Variants in KIF9 observed in about 807,000 individuals in gnomAD.
KIF9 encodes the protein kinesin-like protein KIF9.
KIF9 carries 68 observed loss-of-function variants against 94.8 expected under a neutral mutation model. The ratio of observed to expected loss-of-function variants is 0.72; its 90% CI spans 0.59 to 0.88. The LOEUF (loss-of-function observed/expected upper bound fraction) is 0.88. Among genes scored for constraint, KIF9 ranks in the 40% least tolerant of loss-of-function variants. KIF9 has a pLI of 0.00. For missense variants in KIF9, 882 were observed against 982.5 expected (o/e 0.90, Z 1.37); for synonymous variants, 343 against 362.1 (o/e 0.95, Z 0.60).
chr3:47,273,674 A>G lies in KIF9; in HGVS notation c.260-16T>C. 6.2e-7 allele frequency: 1 copy of G among 1,605,746 alleles called. No homozygotes were observed. The highest frequency in any genetic ancestry group is 1.7e-5 in the Admixed American group (1 of 59,666). ...ATGATGGTGCCTGCAAACATTTCAA[A>G]ACACGGTGACATCCAGGAAAATAGC... On this transcript the variant is annotated splice_polypyrimidine_tract_variant and intron_variant, in intron 3 of 20. Coordinates refer to ENST00000684063, the MANE Select transcript of KIF9 (RefSeq NM_182902.4).
chr3:47,255,761 C>CCCACGGTCTCCCTCTCCCTCTCTTT (rs1457047874), intron 10 of KIF9, among the ~76,000 whole-genome samples: 1 of 151,638 alleles, frequency 6.6e-6, no homozygotes, highest in African/African-American at 2.4e-5. Flanking sequence ...TCTCCCTCTC[C>CCCACGGTCTCCCTCTCCCTCTCTTT]CCACGGTCTC....
intron 20 of KIF9, among the ~76,000 whole-genome samples, chr3:47,234,521 A>C (rs1488114349): frequency 2.7e-5 from 4 of 150,538 alleles, no homozygotes; most frequent in Non-Finnish European, 5.9e-5. Flanking sequence ...GGCGTGAGCC[A>C]CCGTGCCCAG....
rs530795565 is a variant in KIF9 at position 47,240,443 on chromosome 3, C to T, written c.1924+358G>A. Among the ~76,000 whole-genome samples, 5 of 152,298 alleles carry T rather than the reference C, an allele frequency of 3.3e-5. No individual in the cohort carries two copies. In the East Asian group the frequency reaches 9.6e-4, roughly 29 times the overall value. ...CACCTGGGGCAGTGAGGAAACCACACAGAGACCCACGGACCTTGTAGAGGT... is the reference window on the plus strand; with the variant it reads ...CACCTGGGGCAGTGAGGAAACCACATAGAGACCCACGGACCTTGTAGAGGT... On this transcript the variant is annotated intron_variant, in intron 17 of 20. Transcript: ENST00000684063.
Position 47,230,032 on chromosome 3 carries a change from C to T in KIF9, c.2323-1330G>A, listed in dbSNP as rs143040322. ...TACAGGCGTGAGCCACCGTGACTGG[C>T]GAGTTGCACATTTTAAATGGGTGAA... is the stretch of plus-strand genomic sequence containing the variant. On this transcript the variant is annotated intron_variant, in intron 20 of 20. Transcript: ENST00000684063. 1.0e-3 allele frequency among the ~76,000 whole-genome samples: 153 copies of T among 152,208 alleles called. 2 individuals are homozygous for T. The highest frequency in any genetic ancestry group is 3.5e-3 in the African/African-American group (144 of 41,540).
At chr3:47,247,907 C>T in intron 11 of KIF9, 111 bp downstream of exon 11, 2 of 839,262 alleles carry the variant, frequency 2.4e-6, no homozygotes, top group South Asian at 1.5e-5. Context: ...GCCCCCCAAC[C>T]CCGCCCACCA....
chr3:47,257,673 TCAA>T, intron 9 of KIF9, 113 bp from the exon 10 acceptor site: 1 of 863,944 alleles, frequency 1.2e-6, no homozygotes, highest in Non-Finnish European at 1.8e-6. Context: ...AGCTCCCTTG[TCAA>T]CCCATGTTGG....
At chr3:47,254,999 C>T (rs1228362054) in intron 10 of KIF9, among the ~76,000 whole-genome samples, 1 of 152,172 alleles carries the variant, frequency 6.6e-6, no homozygotes, top group Non-Finnish European at 1.5e-5. Context: ...CCTCCCCAGT[C>T]TCCAAACCAT....
At chr3:47,230,969 G>A (rs1698526079) in intron 20 of KIF9, among the ~76,000 whole-genome samples, 1 of 152,150 alleles carries the variant, frequency 6.6e-6, no homozygotes, top group African/African-American at 2.4e-5. Flanking sequence ...AACCCAGGGG[G>A]CAGAGGCTGC....
In KIF9 at chr3:47,257,502, T is replaced by C. The variant is rs368258205; in HGVS notation, c.1040A>G (p.Asn347Ser). The C allele has an allele frequency of 1.2e-5, 19 of 1,613,938 alleles. No homozygotes were observed. Among genetic ancestry groups the C allele is most frequent in the South Asian group, 2.2e-5 (2 of 91,092 alleles). ...CTGTACCTCAGCATCATACTTTTCA[T>C]TGATGGCAGGCTCAGTGGTGACTAG... ...MKLVTTEPAI[N>S]EKYDAERMVK... Residue 347 changes from asparagine (N) to serine (S), a missense_variant, in exon 10 of 21, where the codon AAT becomes AGT. Coordinates refer to ENST00000684063, the MANE Select transcript of KIF9 (RefSeq NM_182902.4).
intron 4 of KIF9, among the ~76,000 whole-genome samples, chr3:47,273,246 T>C (rs1412413760): frequency 6.6e-6 from 1 of 152,148 alleles, no homozygotes; most frequent in Non-Finnish European, 1.5e-5. Flanking sequence ...AAATCCTTAA[T>C]TACAGGATCA....
chr3:47,247,305 G>T, intron 12 of KIF9, 68 bp downstream of exon 12: 2 of 1,033,006 alleles, frequency 1.9e-6, no homozygotes, highest in Admixed American at 1.7e-5. Context: ...CAGAGCATGC[G>T]TTGGGGTGTG....
At chr3:47,258,109 T>A (rs1196304633) in intron 9 of KIF9, among the ~76,000 whole-genome samples, 1 of 152,232 alleles carries the variant, frequency 6.6e-6, no homozygotes, top group African/African-American at 2.4e-5. Context: ...ATGTAAGCCA[T>A]ACATGTAATT....
rs1700054084 is a variant in KIF9 at position 47,248,269 on chromosome 3, TG to T, written c.1060-184del. On this transcript the variant is annotated intron_variant, in intron 10 of 20. Coordinates refer to ENST00000684063, the MANE Select transcript of KIF9 (RefSeq NM_182902.4). ...TCCCGACTGGTGACTCTTCCCTAACTGGGGTGAGTTTAGGGTCTGGGAGGAC... is the reference window on the plus strand; with the variant it reads ...TCCCGACTGGTGACTCTTCCCTAACTGGGTGAGTTTAGGGTCTGGGAGGAC... The T allele has an allele frequency of 5.0e-6, 3 of 600,372 alleles. No homozygotes were observed. The East Asian group carries it at 8.6e-5, about 17-fold the overall frequency. 37.2% of individuals were successfully genotyped at this position (600,372 alleles called of 1,614,324 possible).
intron 13 of KIF9, 111 bp downstream of exon 13, chr3:47,246,086 G>T (rs1358447004): frequency 1.2e-6 from 1 of 860,768 alleles, no homozygotes. Context: ...ACTCTGATTT[G>T]GCTCTTCATC....
intron 20 of KIF9, 89 bp from the exon 21 acceptor site, chr3:47,228,791 C>T: frequency 2.0e-6 from 2 of 998,024 alleles, no homozygotes; most frequent in Non-Finnish European, 3.2e-6. Flanking sequence ...TTCACCCTAT[C>T]ATTCCTCCTG....
intron 20 of KIF9, among the ~76,000 whole-genome samples, chr3:47,230,761 TG>T (rs1387666029): frequency 6.8e-6 from 1 of 146,286 alleles, no homozygotes; most frequent in African/African-American, 2.5e-5. Flanking sequence ...TTACCCAGGC[TG>T]GGCACAGTGG....
At chr3:47,263,954 A>T (rs1701134087) in intron 9 of KIF9, 4 of 486,142 alleles carry the variant, frequency 8.2e-6, no homozygotes, top group South Asian at 6.2e-5. Context: ...CAAGTCACCA[A>T]CGATCCTTCT....
At position 47,271,419 on chromosome 3, in the gene KIF9, C is replaced by A. The variant is rs147382226; in HGVS notation, c.409G>T (p.Val137Leu). Reference sequence around the variant, plus strand: ...TAGATTTCCAAGTAGGAAACACGCACAGTGATGGCATGTGTGGGGCGTTCT... The same window carrying A: ...TAGATTTCCAAGTAGGAAACACGCAAAGTGATGGCATGTGTGGGGCGTTCT... Reference protein sequence around the residue: ...IEERPTHAITVRVSYLEIYNE... With the variant: ...IEERPTHAITLRVSYLEIYNE... The change falls in exon 5 of 21, where the codon GTG becomes TTG. Residue 137 changes from valine (V) to leucine (L), a missense_variant. Physicochemically the swap from Val to Leu is conservative, Grantham distance 32. Transcript: ENST00000684063. 2.5e-5 allele frequency: 40 copies of A among 1,613,960 alleles called. No individual in the cohort carries two copies. Among genetic ancestry groups the A allele is most frequent in the South Asian group, 5.5e-5 (5 of 91,088 alleles).
At chr3:47,271,670 CATA>C (rs1701657001) in intron 4 of KIF9, among the ~76,000 whole-genome samples, 1 of 152,198 alleles carries the variant, frequency 6.6e-6, no homozygotes. Context: ...GAAGTAGAGG[CATA>C]ATGAGTGGAA....
Sources: gnomAD v4.1 joint callset for allele counts (sites outside exome capture counted in the v4.1 genomes callset) on GRCh38, gnomAD v4.1.1 for gene constraint, MANE v1.5 for transcripts, NCBI Gene and HGNC (gene_info 2026-07-23, HGNC 2026-07-21) for gene names.